The following CFAP299 variants were observed in gnomAD, a reference collection of about 807,000 sequenced individuals.
CFAP299 encodes cilia- and flagella-associated protein 299.
CFAP299 carries 21 observed loss-of-function variants against 27.0 expected under a neutral mutation model. The ratio of observed to expected loss-of-function variants is 0.78; its 90% CI spans 0.55 to 1.12. The LOEUF is 1.12. CFAP299 is among the 50% of genes most tolerant of loss of function. The probability of loss-of-function intolerance (pLI) is 0.00; values close to 1 mark genes in which losing one functional copy is unlikely to be tolerated. For missense variants in CFAP299, 310 were observed against 276.6 expected, an observed-to-expected ratio of 1.12 and a Z score of -0.86; for synonymous variants, 104 against 98.1, an observed-to-expected ratio of 1.06 and a Z score of -0.36.
chr4:80,861,184 G>A (rs1463825544), intron 3 of CFAP299, among the ~76,000 whole-genome samples: 3 of 152,178 alleles, frequency 2.0e-5, no homozygotes, highest in South Asian at 2.1e-4. Context: ...AGCAATCAGC[G>A]AGACTCCGTG....
At chr4:80,685,563 A>G (rs182093431) in intron 3 of CFAP299, among the ~76,000 whole-genome samples, 2 of 143,180 alleles carry the variant, frequency 1.4e-5, no homozygotes, top group African/African-American at 5.2e-5. Context: ...GCAGGTGCTA[A>G]TTTAGACCAT....
chr4:80,685,932 C>A (rs993170854), intron 3 of CFAP299, among the ~76,000 whole-genome samples: 2 of 152,126 alleles, frequency 1.3e-5, no homozygotes, highest in Admixed American at 6.5e-5. Context: ...ATGGGATCTA[C>A]ATAGTGTATC....
intron 2 of CFAP299, among the ~76,000 whole-genome samples, chr4:80,522,805 A>G (rs980573992): frequency 6.6e-6 from 1 of 152,048 alleles, no homozygotes; most frequent in African/African-American, 2.4e-5. Context: ...TCATTTGGCC[A>G]TATATGTATG....
At chr4:80,834,879 T>G (rs1203453195) in intron 3 of CFAP299, among the ~76,000 whole-genome samples, 1 of 152,144 alleles carries the variant, frequency 6.6e-6, no homozygotes, top group African/African-American at 2.4e-5. Context: ...GCATACTAAC[T>G]CCAAATATCT....
At chr4:80,491,191 AT>A (rs1233158418) in intron 2 of CFAP299, among the ~76,000 whole-genome samples, 3 of 152,124 alleles carry the variant, frequency 2.0e-5, no homozygotes, top group Non-Finnish European at 4.4e-5. Flanking sequence ...TGTAATGATT[AT>A]TTTACTAAGC....
Position 80,581,473 on chromosome 4 carries a change from T to TC in CFAP299, c.243-1620_243-1619insC, listed in dbSNP as rs1290237581. Among the ~76,000 whole-genome samples, 3 of 138,660 alleles carry TC rather than the reference T, an allele frequency of 2.2e-5. No individual in the cohort carries two copies. In the East Asian group the frequency reaches 6.4e-4, roughly 30 times the overall value. The allele number at this position is 138,660 out of a possible 152,430, so 91.0% of individuals were successfully genotyped here. On this transcript the variant is annotated intron_variant, in intron 2 of 5. Transcript: ENST00000358105. ...AGTGAGATATATATATATATATATATATATATATATATATATGACAAGCTG... is the reference window on the plus strand; with the variant it reads ...AGTGAGATATATATATATATATATATCATATATATATATATATGACAAGCTG...
chr4:80,610,815 A>G (rs1183487413), intron 3 of CFAP299, among the ~76,000 whole-genome samples: 1 of 151,932 alleles, frequency 6.6e-6, no homozygotes, highest in Non-Finnish European at 1.5e-5. Flanking sequence ...CAGCCCTCCA[A>G]CTTAGTTGTA....
rs551645828 is a variant in CFAP299, at chr4:80,804,020, T to C, written c.334-65973T>C. On this transcript the variant is annotated intron_variant, in intron 3 of 5. Transcript: ENST00000358105. ...GTGGAAGAAAGAAGAGCAAAAGGGC[T>C]TTGTGTAAAGCCTCTTTTATAAAAG... Among the ~76,000 whole-genome samples the C allele has an allele frequency of 1.2e-3, 190 of 152,188 alleles. 1 individual carries two copies. The highest frequency in any genetic ancestry group is 4.2e-3 in the African/African-American group (175 of 41,546).
At chr4:80,932,785 A>G (rs1736686712) in intron 4 of CFAP299, among the ~76,000 whole-genome samples, 1 of 152,174 alleles carries the variant, frequency 6.6e-6, no homozygotes, top group African/African-American at 2.4e-5. Context: ...TGGAGACCAC[A>G]CATCTGATTG....
chr4:80,731,801 A>G (rs1489847620), intron 3 of CFAP299, among the ~76,000 whole-genome samples: 1 of 152,100 alleles, frequency 6.6e-6, no homozygotes, highest in African/African-American at 2.4e-5. Flanking sequence ...TGTCATGATT[A>G]TTACCTGTTC....
chr4:80,356,614 A>T (rs1310528878), intron 1 of CFAP299, among the ~76,000 whole-genome samples: 2 of 151,972 alleles, frequency 1.3e-5, no homozygotes, highest in African/African-American at 4.8e-5. Context: ...ATGGGAGTAC[A>T]TTCCTAATTT....
chr4:80,747,931 C>T (rs1724712756), intron 3 of CFAP299, among the ~76,000 whole-genome samples: 1 of 152,050 alleles, frequency 6.6e-6, no homozygotes, highest in Non-Finnish European at 1.5e-5. Flanking sequence ...ACTGTTTGTA[C>T]TTTCCGATCA....
At chr4:80,855,741 AT>A (rs1185548472) in intron 3 of CFAP299, among the ~76,000 whole-genome samples, 1 of 152,142 alleles carries the variant, frequency 6.6e-6, no homozygotes, top group African/African-American at 2.4e-5. Context: ...TGAACTCATC[AT>A]TTTTTATGGC....
chr4:80,636,939 T>C (rs1739486656), intron 3 of CFAP299, among the ~76,000 whole-genome samples: 1 of 152,118 alleles, frequency 6.6e-6, no homozygotes, highest in African/African-American at 2.4e-5. Context: ...AAATTGAAGT[T>C]TTTAAAAAAG....
intron 3 of CFAP299, among the ~76,000 whole-genome samples, chr4:80,657,718 T>C (rs554783505): frequency 3.9e-5 from 6 of 152,320 alleles, no homozygotes; most frequent in African/African-American, 1.4e-4. Flanking sequence ...TGGGCTCTTT[T>C]TTGGGTTCCA....
At chr4:80,382,086 GA>G (rs1284586784) in intron 2 of CFAP299, among the ~76,000 whole-genome samples, 1 of 152,102 alleles carries the variant, frequency 6.6e-6, no homozygotes, top group African/African-American at 2.4e-5. Flanking sequence ...AGATTTAAAA[GA>G]GAAAAATAAG....
intron 2 of CFAP299, among the ~76,000 whole-genome samples, chr4:80,462,647 G>T (rs1729495847): frequency 6.6e-6 from 1 of 151,972 alleles, no homozygotes; most frequent in Non-Finnish European, 1.5e-5. Context: ...GATTCTAAGT[G>T]ATCTCATCCC....
intron 3 of CFAP299, among the ~76,000 whole-genome samples, chr4:80,849,316 G>C (rs999911939): frequency 8.6e-5 from 13 of 151,842 alleles, no homozygotes; most frequent in African/African-American, 3.2e-4. Flanking sequence ...GGACCCCCAT[G>C]GTGCATGAGG....
chr4:80,656,082 T>A (rs1044305853), intron 3 of CFAP299, among the ~76,000 whole-genome samples: 28 of 152,276 alleles, frequency 1.8e-4, no homozygotes, highest in African/African-American at 6.3e-4. Context: ...TCAGATTTTT[T>A]AATGTAACTT....
Sources: allele counts gnomAD v4.1 joint callset (sites outside exome capture counted in the v4.1 genomes callset), GRCh38; gene constraint gnomAD v4.1.1; transcripts MANE v1.5; gene names NCBI Gene and HGNC (gene_info 2026-07-23, HGNC 2026-07-21).